Variants in PPP2R2B observed in about 807,000 individuals in gnomAD.
The protein encoded by PPP2R2B is protein phosphatase 2 regulatory subunit Bbeta.
In PPP2R2B, 5 loss-of-function variants were observed where a neutral mutation model predicts 46.0. That is an observed-to-expected ratio of 0.11 (90% CI 0.06 to 0.23). The LOEUF (loss-of-function observed/expected upper bound fraction) is 0.23. Ranked by LOEUF, PPP2R2B falls within the 10% of genes least tolerant of loss-of-function variation. The pLI is 1.00. For synonymous variants in PPP2R2B, 215 were observed against 206.7 expected (o/e 1.04, Z -0.34); for missense variants, 367 against 575.0 (o/e 0.64, Z 3.70).
chr5:146,837,487 T>C (rs779863188), intron 2 of PPP2R2B, among the ~76,000 whole-genome samples: 4 of 152,226 alleles, frequency 2.6e-5, no homozygotes, highest in Non-Finnish European at 4.4e-5. Flanking sequence ...GATGTGGCTA[T>C]AAGGTGGCAC....
At chr5:147,027,323 T>C (rs895173093) in intron 1 of PPP2R2B, among the ~76,000 whole-genome samples, 10 of 152,162 alleles carry the variant, frequency 6.6e-5, no homozygotes, top group Admixed American at 5.9e-4. Flanking sequence ...TTTTATGTTG[T>C]ATGGATTTCA....
At chr5:146,849,967 G>C (rs769402378) in intron 2 of PPP2R2B, among the ~76,000 whole-genome samples, 10 of 152,154 alleles carry the variant, frequency 6.6e-5, no homozygotes, top group African/African-American at 7.2e-5. Flanking sequence ...TTCTAGGAAG[G>C]AAAATAAGAC....
chr5:146,617,729 C>T (rs189547222), intron 7 of PPP2R2B, among the ~76,000 whole-genome samples: 8 of 150,850 alleles, frequency 5.3e-5, no homozygotes, highest in African/African-American at 1.7e-4. Context: ...GAGTCTCGCT[C>T]TGTCACCGAG....
chr5:146,823,726 C>A (rs1010387661), intron 2 of PPP2R2B, among the ~76,000 whole-genome samples: 3 of 152,060 alleles, frequency 2.0e-5, no homozygotes, highest in African/African-American at 7.2e-5. Flanking sequence ...TAAAATAATT[C>A]TTCTCCCTAA....
At chr5:146,692,427 C>T (rs1000015416) in intron 4 of PPP2R2B, among the ~76,000 whole-genome samples, 2 of 152,114 alleles carry the variant, frequency 1.3e-5, no homozygotes, top group Non-Finnish European at 2.9e-5. Flanking sequence ...ATGAGAACTC[C>T]CATCCCTACA....
intron 1 of PPP2R2B, among the ~76,000 whole-genome samples, chr5:146,898,497 A>G (rs527973592): frequency 5.7e-4 from 87 of 152,230 alleles, no homozygotes; most frequent in African/African-American, 2.0e-3. Context: ...AGACTTGAAC[A>G]TTAGACCTAA....
intron 4 of PPP2R2B, among the ~76,000 whole-genome samples, chr5:146,692,084 T>C (rs1433106915): frequency 6.6e-6 from 1 of 152,202 alleles, no homozygotes; most frequent in African/African-American, 2.4e-5. Flanking sequence ...AGTGTAAAAT[T>C]GTTGAAGGCA....
chr5:146,975,438 G>A (rs1021132483), intron 1 of PPP2R2B, among the ~76,000 whole-genome samples: 39 of 152,024 alleles, frequency 2.6e-4, no homozygotes, highest in African/African-American at 9.2e-4. Context: ...TCAACTTTTG[G>A]CTATTTTGAG....
intron 2 of PPP2R2B, among the ~76,000 whole-genome samples, chr5:147,071,068 A>G (rs957693164): frequency 6.6e-6 from 1 of 152,038 alleles, no homozygotes; most frequent in African/African-American, 2.4e-5. Flanking sequence ...GGGATATCTG[A>G]TGGAAAAGTT....
intron 2 of PPP2R2B, among the ~76,000 whole-genome samples, chr5:146,844,615 T>G (rs1271849708): frequency 6.6e-6 from 1 of 152,208 alleles, no homozygotes; most frequent in Non-Finnish European, 1.5e-5. Context: ...CAATTTAGTT[T>G]TTTGAAAACA....
chr5:146,825,874 G>C (rs1422363007), intron 2 of PPP2R2B, among the ~76,000 whole-genome samples: 1 of 152,186 alleles, frequency 6.6e-6, no homozygotes, highest in African/African-American at 2.4e-5. Context: ...CATGTAGTAA[G>C]ATATTCTTGA....
intron 2 of PPP2R2B, among the ~76,000 whole-genome samples, chr5:147,079,434 T>TTATA (rs1260007870): frequency 1.2e-4 from 10 of 80,968 alleles, no homozygotes; most frequent in African/African-American, 3.0e-4. Flanking sequence ...CACACACATT[T>TTATA]TATATATATA....
At chr5:146,624,008 C>G (rs182766311) in intron 7 of PPP2R2B, among the ~76,000 whole-genome samples, 52 of 152,298 alleles carry the variant, frequency 3.4e-4, no homozygotes, top group Non-Finnish European at 6.8e-4. Context: ...CCCCCCTTCT[C>G]CATCTTACAG....
upstream of PPP2R2B, among the ~76,000 whole-genome samples, chr5:146,881,972 A>C (rs1331421102): frequency 1.3e-5 from 2 of 152,102 alleles, no homozygotes; most frequent in African/African-American, 4.8e-5. Context: ...AAATTTACCA[A>C]GCAATTATGT....
At chr5:146,755,366 A>C (rs1188835112) in intron 2 of PPP2R2B, among the ~76,000 whole-genome samples, 1 of 152,226 alleles carries the variant, frequency 6.6e-6, no homozygotes, top group Non-Finnish European at 1.5e-5. Context: ...TTCAAGTAAA[A>C]GGGTTGCTTA....
At chr5:147,054,730 T>G in intron 1 of PPP2R2B, 1 of 456,044 alleles carries the variant, frequency 2.2e-6, no homozygotes, top group Non-Finnish European at 4.4e-6. Context: ...AGAGTGTGGC[T>G]AGACATGAGT....
intron 1 of PPP2R2B, among the ~76,000 whole-genome samples, chr5:146,907,025 A>C (rs1763022992): frequency 1.3e-5 from 2 of 152,180 alleles, no homozygotes. Context: ...TAAAGGGAAG[A>C]CCAGGAAAGG....
At chr5:147,001,028 G>A (rs1334113573) in intron 1 of PPP2R2B, among the ~76,000 whole-genome samples, 1 of 152,164 alleles carries the variant, frequency 6.6e-6, no homozygotes. Flanking sequence ...TCTGGGTCAG[G>A]TGGGGACTTG....
intron 1 of PPP2R2B, among the ~76,000 whole-genome samples, chr5:146,931,174 C>T (rs1314630347): frequency 6.6e-6 from 1 of 152,096 alleles, no homozygotes; most frequent in Non-Finnish European, 1.5e-5. Flanking sequence ...CTCTGTAACG[C>T]AAGCCAGAAC....
Sources: gnomAD v4.1 joint callset for allele counts (sites outside exome capture counted in the v4.1 genomes callset) on GRCh38, gnomAD v4.1.1 for gene constraint, MANE v1.5 for transcripts, NCBI Gene and HGNC (gene_info 2026-07-23, HGNC 2026-07-21) for gene names.